The following SNRNP40 variants were observed in gnomAD, a reference collection of about 807,000 sequenced individuals.
SNRNP40 encodes small nuclear ribonucleoprotein U5 subunit 40, also known as U5 small nuclear ribonucleoprotein 40 kDa protein.
Under a neutral mutation model 45.8 loss-of-function variants are expected in SNRNP40, and 21 were observed. The observed-to-expected ratio is 0.46, with a 90% CI of 0.32 to 0.66. SNRNP40 has a LOEUF of 0.66. Among genes scored for constraint, SNRNP40 ranks in the 30% least tolerant of loss-of-function variants. The pLI is 0.03. For missense variants in SNRNP40, 344 were observed against 439.1 expected (o/e 0.78, Z 1.94); for synonymous variants, 142 against 163.8 (o/e 0.87, Z 1.01).
At chr1:31,268,000 T>G in intron 7 of SNRNP40, 68 bp from the exon 8 acceptor site, 1 of 1,057,376 alleles carries the variant, frequency 9.5e-7, no homozygotes, top group Middle Eastern at 2.0e-4. Context: ...ACCGAATCAC[T>G]AAGAGGCTTT....
chr1:31,293,132 T>C, intron 2 of SNRNP40, 87 bp downstream of exon 2: 1 of 1,431,522 alleles, frequency 7.0e-7, no homozygotes. Flanking sequence ...CAACATAGAG[T>C]GATACCTTCT....
At chr1:31,271,034 C>T (rs1645934272) in intron 6 of SNRNP40, among the ~76,000 whole-genome samples, 1 of 152,320 alleles carries the variant, frequency 6.6e-6, no homozygotes, top group East Asian at 1.9e-4. Flanking sequence ...TGAAAACGCA[C>T]AAGAACTGCC....
At chr1:31,269,370 C>T (rs770002409) in intron 6 of SNRNP40, 130 bp from the exon 7 acceptor site, 1 of 1,490,984 alleles carries the variant, frequency 6.7e-7, no homozygotes, top group East Asian at 2.5e-5. Context: ...CAAAGTCCAA[C>T]TTGACATACT....
intron 9 of SNRNP40, chr1:31,261,005 CCACTTATGAG>C: frequency 7.9e-7 from 1 of 1,272,992 alleles, no homozygotes; most frequent in Non-Finnish European, 1.0e-6. Flanking sequence ...CTTACTCTCA[CCACTTATGAG>C]CAATGGTGAG....
In SNRNP40 at chr1:31,289,420, C is replaced by T; in HGVS notation, c.366-1G>A. 1 of 1,610,006 alleles carries T rather than the reference C, an allele frequency of 6.2e-7. No homozygotes were observed. Among genetic ancestry groups the T allele is most frequent in the Non-Finnish European group, 8.5e-7 (1 of 1,176,958 alleles). ...ATCTGTGGATGCTGAGAAAAGCATA[C>T]TAGAAAGTAAGAGAAAGAATAAAAA... is the stretch of plus-strand genomic sequence containing the variant. On this transcript the variant is annotated splice_acceptor_variant, in intron 3 of 9. Coordinates refer to ENST00000263694, the MANE Select transcript of SNRNP40 (RefSeq NM_004814.3). LOFTEE classifies it high-confidence loss of function.
intron 4 of SNRNP40, chr1:31,282,518 T>TCTATCTAC (rs1553166895): frequency 2.1e-5 from 3 of 144,524 alleles, no homozygotes; most frequent in Admixed American, 1.4e-4. Flanking sequence ...TATCTATCTA[T>TCTATCTAC]CTATCTAATC....
intron 4 of SNRNP40, 93 bp from the exon 5 acceptor site, chr1:31,281,589 C>A: frequency 9.1e-7 from 1 of 1,103,198 alleles, no homozygotes. Context: ...ACTTTGTGGA[C>A]ATGAACACAT....
chr1:31,276,589 G>T (rs978978251), intron 5 of SNRNP40, among the ~76,000 whole-genome samples: 12 of 152,102 alleles, frequency 7.9e-5, no homozygotes, highest in Non-Finnish European at 1.5e-5. Flanking sequence ...GTGATAATAA[G>T]TGAAAAGAGA....
chr1:31,263,736 T>C, intron 8 of SNRNP40: 1 of 348,866 alleles, frequency 2.9e-6, no homozygotes, highest in Non-Finnish European at 5.5e-6. Flanking sequence ...TGATGTCCTG[T>C]GCTGAAGGTT....
At chr1:31,261,295 G>A in intron 9 of SNRNP40, 1 of 503,450 alleles carries the variant, frequency 2.0e-6, no homozygotes, top group Non-Finnish European at 3.6e-6. Context: ...AGGTTGCAGT[G>A]AGCCAAGATT....
At chr1:31,274,186 A>G (rs1031678460) in intron 5 of SNRNP40, among the ~76,000 whole-genome samples, 2 of 152,082 alleles carry the variant, frequency 1.3e-5, no homozygotes, top group African/African-American at 2.4e-5. Flanking sequence ...AGGGTTCAAA[A>G]TAGAAAAATG....
At chr1:31,268,408 A>T (rs527902252) in intron 7 of SNRNP40, among the ~76,000 whole-genome samples, 2 of 151,512 alleles carry the variant, frequency 1.3e-5, no homozygotes, top group South Asian at 2.1e-4. Flanking sequence ...TCAGCCTCCC[A>T]AGCAGCTGAG....
intron 9 of SNRNP40, chr1:31,261,201 AT>A: frequency 2.1e-5 from 7 of 327,218 alleles, no homozygotes; most frequent in Non-Finnish European, 2.3e-5. Context: ...AAAAAAAAAA[AT>A]TAGCTGGGCA....
rs758739492 is a variant in SNRNP40, at chr1:31,293,389, C to A, written c.142-41G>T. 5.8e-6 allele frequency: 9 copies of A among 1,544,252 alleles called. No individual in the cohort carries two copies. In the Admixed American group the frequency reaches 1.1e-4, roughly 19 times the overall value. On this transcript the variant is annotated intron_variant, in intron 1 of 9. Coordinates refer to ENST00000263694, the MANE Select transcript of SNRNP40 (RefSeq NM_004814.3). ...GCACAAGGTAACTACTGCATACAGA[C>A]AAAGGAGGCTACAAAATTAGGGGGT...
chr1:31,270,413 A>G (rs1395950697), intron 6 of SNRNP40, among the ~76,000 whole-genome samples: 1 of 152,166 alleles, frequency 6.6e-6, no homozygotes, highest in Admixed American at 6.5e-5. Context: ...GCAACACAGC[A>G]AGATCCTGTC....
At chr1:31,282,005 CAA>C (rs1172760270) in intron 4 of SNRNP40, 1 of 152,408 alleles carries the variant, frequency 6.6e-6, no homozygotes, top group Non-Finnish European at 1.5e-5. Context: ...CAAAACTAAT[CAA>C]AAGTTTATAG....
chr1:31,282,666 A>G (rs569731528), intron 4 of SNRNP40, among the ~76,000 whole-genome samples: 1 of 150,838 alleles, frequency 6.6e-6, no homozygotes, highest in Non-Finnish European at 1.5e-5. Flanking sequence ...CTATCTATCT[A>G]TCTAATCTCT....
chr1:31,281,304 G>C lies in SNRNP40; in HGVS notation c.654+70C>G, dbSNP rs532783207. 21 of 1,372,208 alleles carry C rather than the reference G, an allele frequency of 1.5e-5. 1 individual carries two copies. In the South Asian group the frequency reaches 2.5e-4, roughly 17 times the overall value. The allele number at this position is 1,372,208 out of a possible 1,614,324, so 85.0% of individuals were successfully genotyped here. On this transcript the variant is annotated intron_variant, in intron 5 of 9. Coordinates refer to ENST00000263694, the MANE Select transcript of SNRNP40 (RefSeq NM_004814.3). ...TAAGTGCAAAGCTACCACAATCTCA[G>C]AAGTTTGAAAAAATTCGTTTCTAAG... is the stretch of plus-strand genomic sequence containing the variant.
chr1:31,291,993 G>A lies in SNRNP40; in HGVS notation c.285C>T (p.Val95=). 6.2e-7 allele frequency: 1 copy of A among 1,608,716 alleles called. No homozygotes were observed. Among genetic ancestry groups the A allele is most frequent in the Non-Finnish European group, 8.5e-7 (1 of 1,175,162 alleles). ...GFDRLILLWN[V]YGDCDNYATL... The stretch of plus-strand genomic sequence containing the variant: ...TGGCATAGTTATCACAGTCACCATA[G>A]ACATTCCACAGTACTGTTAGGGAGA... The change falls in exon 3 of 10, where the codon GTC becomes GTT. Residue 95 remains valine (V), a synonymous_variant. Coordinates refer to ENST00000263694, the MANE Select transcript of SNRNP40 (RefSeq NM_004814.3).
Sources: gnomAD v4.1 joint callset for allele counts (sites outside exome capture counted in the v4.1 genomes callset) on GRCh38, gnomAD v4.1.1 for gene constraint, MANE v1.5 for transcripts, NCBI Gene and HGNC (gene_info 2026-07-23, HGNC 2026-07-21) for gene names.